The following EHMT1 variants were observed in gnomAD, a reference collection of about 807,000 sequenced individuals.
The protein encoded by EHMT1 is histone-lysine N-methyltransferase EHMT1.
In EHMT1, 15 loss-of-function variants were observed where a neutral mutation model predicts 147.2. The ratio of observed to expected loss-of-function variants is 0.10; its 90% confidence interval spans 0.07 to 0.16. The LOEUF (loss-of-function observed/expected upper bound fraction) is 0.16. EHMT1 is among the 10% of genes least tolerant of loss of function. EHMT1 has a pLI of 1.00. For missense variants in EHMT1, 1,587 were observed against 1,772.4 expected, an observed-to-expected ratio of 0.90 and a Z score of 1.88; for synonymous variants, 795 against 709.6, an observed-to-expected ratio of 1.12 and a Z score of -1.91.
chr9:137,820,772 C>G (rs1955347647), intron 25 of EHMT1, among the ~76,000 whole-genome samples: 1 of 152,246 alleles, frequency 6.6e-6, no homozygotes, highest in South Asian at 2.1e-4. Flanking sequence ...GCTCAGTGTC[C>G]TCGTCCTATC....
intron 6 of EHMT1, among the ~76,000 whole-genome samples, chr9:137,744,296 A>C (rs1948361815): frequency 6.8e-6 from 1 of 147,700 alleles, no homozygotes; most frequent in South Asian, 2.1e-4. Flanking sequence ...CATTCATTGA[A>C]GTAAACCTCT....
At chr9:137,804,841 T>A (rs926865288) in intron 18 of EHMT1, among the ~76,000 whole-genome samples, 6 of 152,218 alleles carry the variant, frequency 3.9e-5, no homozygotes, top group Non-Finnish European at 2.9e-5. Flanking sequence ...TCTTTCTACA[T>A]AGAATTGACT....
At chr9:137,643,591 G>A (rs1844666099) in intron 1 of EHMT1, among the ~76,000 whole-genome samples, 1 of 151,752 alleles carries the variant, frequency 6.6e-6, no homozygotes, top group Non-Finnish European at 1.5e-5. Flanking sequence ...CTCGTGATCT[G>A]CCCACCTTGG....
In EHMT1 at chr9:137,835,054, G is replaced by C; in HGVS notation, c.*101G>C. ...CCGCACGCAACCGAAAGGGTCCTTC[G>C]GGGCTGCGCCGCCGGCTTCCTGGAG... is the stretch of plus-strand genomic sequence containing the variant. On this transcript the variant is annotated 3_prime_UTR_variant, in exon 27 of 27. Transcript: ENST00000460843. The C allele has an allele frequency of 7.8e-7, 1 of 1,283,896 alleles. No homozygotes were observed. The highest frequency in any genetic ancestry group is 1.0e-6 in the Non-Finnish European group (1 of 1,004,286). 79.5% of individuals were successfully genotyped at this position (1,283,896 alleles called of 1,614,324 possible). A position where few individuals can be genotyped will look rare whatever the true frequency, so the allele number is the denominator to read the frequency against.
chr9:137,696,801 A>G (rs1274885050), intron 1 of EHMT1, among the ~76,000 whole-genome samples: 2 of 152,140 alleles, frequency 1.3e-5, no homozygotes, highest in East Asian at 1.9e-4. Flanking sequence ...CCAAAACACA[A>G]ATGGCAAGGT....
intron 2 of EHMT1, among the ~76,000 whole-genome samples, chr9:137,714,902 G>A (rs1945074247): frequency 6.6e-6 from 1 of 152,140 alleles, no homozygotes; most frequent in Admixed American, 6.5e-5. Context: ...CCATTTAGGA[G>A]CATGAAATGC....
At chr9:137,748,095 A>G (rs1311086517) in intron 6 of EHMT1, 2 of 152,126 alleles carry the variant, frequency 1.3e-5, no homozygotes, top group Non-Finnish European at 2.9e-5. Context: ...GGGTGGGGGC[A>G]TTCTGAGACC....
At chr9:137,728,088 C>T (rs1439816891) in intron 3 of EHMT1, among the ~76,000 whole-genome samples, 2 of 152,214 alleles carry the variant, frequency 1.3e-5, no homozygotes, top group East Asian at 1.9e-4. Flanking sequence ...CTCATTCCTC[C>T]TTCTGGCCTT....
intron 1 of EHMT1, among the ~76,000 whole-genome samples, chr9:137,683,962 C>A (rs1942202639): frequency 6.6e-6 from 1 of 152,050 alleles, no homozygotes; most frequent in South Asian, 2.1e-4. Context: ...ATGCTTGAAC[C>A]CGTCAACAAT....
intron 1 of EHMT1, among the ~76,000 whole-genome samples, chr9:137,668,653 C>T (rs553964093): frequency 6.6e-6 from 1 of 152,308 alleles, no homozygotes; most frequent in South Asian, 2.1e-4. Context: ...GGCAACCACT[C>T]ATCTGCTTTC....
At chr9:137,798,943 C>T (rs746553516) in intron 17 of EHMT1, 29 bp downstream of exon 17, 3 of 1,557,922 alleles carry the variant, frequency 1.9e-6, no homozygotes, top group Admixed American at 1.7e-5. Context: ...CTTAGCAGTA[C>T]ACTGTGTGGA....
In EHMT1 at chr9:137,776,316, T is replaced by A. The variant is rs992848425; in HGVS notation, c.1792-302T>A. 6.6e-6 allele frequency among the ~76,000 whole-genome samples: 1 copy of A among 152,174 alleles called. No homozygotes were observed. The highest frequency in any genetic ancestry group is 1.5e-5 in the Non-Finnish European group (1 of 68,032). On this transcript the variant is annotated intron_variant, in intron 11 of 26. Coordinates refer to ENST00000460843, the MANE Select transcript of EHMT1 (RefSeq NM_024757.5). This position sits in a 1 kb window ranked among gnomAD's most constrained non-coding sequence, Gnocchi z 4.4. ...TCCGCCCTTCAGAGTAGGGGCCTTC[T>A]GGGTCCTTCTTTAGGCCTTCTCTTT...
At chr9:137,736,507 G>T (rs577588826) in intron 4 of EHMT1, among the ~76,000 whole-genome samples, 2 of 152,370 alleles carry the variant, frequency 1.3e-5, no homozygotes, top group Admixed American at 1.3e-4. Flanking sequence ...CCCAACAGCA[G>T]CATGTACACT....
At chr9:137,660,653 A>T (rs910772260) in intron 1 of EHMT1, among the ~76,000 whole-genome samples, 1 of 152,240 alleles carries the variant, frequency 6.6e-6, no homozygotes, top group Non-Finnish European at 1.5e-5. Context: ...GTGTGAATCC[A>T]CATCTTCACA....
At chr9:137,811,711 G>A in intron 19 of EHMT1, 96 bp downstream of exon 19, 1 of 1,524,554 alleles carries the variant, frequency 6.6e-7, no homozygotes, top group Non-Finnish European at 8.9e-7. Context: ...CTTGGGGCGT[G>A]AGTGGACACA....
chr9:137,778,863 T>C (rs886648414), intron 13 of EHMT1, among the ~76,000 whole-genome samples: 1 of 152,138 alleles, frequency 6.6e-6, no homozygotes, highest in Non-Finnish European at 1.5e-5. Flanking sequence ...TGGCATCTGC[T>C]CCTTGGGAGG....
chr9:137,799,466 G>A (rs1051630719), intron 17 of EHMT1, among the ~76,000 whole-genome samples: 11 of 152,166 alleles, frequency 7.2e-5, no homozygotes, highest in Non-Finnish European at 1.5e-4. Flanking sequence ...GCTGAACCGC[G>A]GCGCCTCACA....
intron 1 of EHMT1, among the ~76,000 whole-genome samples, chr9:137,637,022 T>C (rs7851550): frequency 0.013 from 1,837 of 143,534 alleles, 29 homozygotes; most frequent in African/African-American, 0.045. Flanking sequence ...CTCAGCCTCC[T>C]GAGTGGCTGG....
intron 3 of EHMT1, among the ~76,000 whole-genome samples, chr9:137,719,080 C>A (rs754073486): frequency 6.6e-6 from 1 of 152,134 alleles, no homozygotes; most frequent in Admixed American, 6.6e-5. Flanking sequence ...TTAAAAAATA[C>A]TGAATTCTAT....
Sources: gnomAD v4.1 joint callset for allele counts (sites outside exome capture counted in the v4.1 genomes callset) on GRCh38, gnomAD v4.1.1 for gene constraint, Gnocchi (gnomAD v3.1) non-coding constraint, MANE v1.5 for transcripts, NCBI Gene and HGNC (gene_info 2026-07-23, HGNC 2026-07-21) for gene names.